Variants in EML1 observed in about 807,000 individuals in gnomAD.
The protein encoded by EML1 is echinoderm microtubule-associated protein-like 1.
In EML1, 27 loss-of-function variants were observed where a neutral mutation model predicts 110.4. That is an observed-to-expected ratio of 0.24 (90% CI 0.18 to 0.34). The LOEUF is 0.34. EML1 is among the 10% of genes least tolerant of loss of function. EML1 has a pLI of 1.00. For missense variants in EML1, 741 were observed against 1,030.9 expected (o/e 0.72, Z 3.85); for synonymous variants, 344 against 385.8 (o/e 0.89, Z 1.27).
intron 1 of EML1, among the ~76,000 whole-genome samples, chr14:99,794,526 C>A (rs2057734215): frequency 6.6e-6 from 1 of 152,134 alleles, no homozygotes; most frequent in South Asian, 2.1e-4. Context: ...GGAAAGTTTT[C>A]TTGTTATTCG....
intron 1 of EML1, among the ~76,000 whole-genome samples, chr14:99,814,992 G>A (rs1222049824): frequency 6.6e-6 from 1 of 152,202 alleles, no homozygotes; most frequent in Admixed American, 6.5e-5. Context: ...CAGCTAGGGA[G>A]GGGCAGAGCC....
intron 6 of EML1, among the ~76,000 whole-genome samples, chr14:99,895,295 C>T (rs1199805855): frequency 1.3e-5 from 2 of 152,044 alleles, no homozygotes; most frequent in Admixed American, 1.3e-4. Flanking sequence ...TCTTGAGCTC[C>T]TGGACTCAAG....
chr14:99,792,845 A>T (rs752559961), upstream of EML1: 1 of 152,316 alleles, frequency 6.6e-6, no homozygotes, highest in Non-Finnish European at 1.5e-5. Flanking sequence ...GTGTGGACAG[A>T]GGAACGCGCC....
In EML1 at chr14:99,759,459, G is replaced by A. The variant is rs527359672; in HGVS notation, c.28+21599G>A. On this transcript the variant is annotated intron_variant, in intron 1 of 10. Coordinates refer to the EML1 transcript ENST00000554479. The stretch of plus-strand genomic sequence containing the variant: ...CTCAGCCAGCCTGGAGGGCAGCCCC[G>A]GGCCGGGAGGTCCCCTTCTCTTAGT... Among the ~76,000 whole-genome samples, 326 of 152,350 alleles carry A rather than the reference G, an allele frequency of 2.1e-3. 1 individual carries two copies. The highest frequency in any genetic ancestry group is 7.3e-3 in the African/African-American group (305 of 41,592).
chr14:99,907,446 T>G (rs1763403187), intron 9 of EML1, 192 bp from the exon 10 acceptor site: 1 of 604,146 alleles, frequency 1.7e-6, no homozygotes, highest in Non-Finnish European at 2.9e-6. Context: ...GTGACCTGGA[T>G]GACAGAGCAA....
intron 1 of EML1, among the ~76,000 whole-genome samples, chr14:99,745,883 G>A (rs2057101917): frequency 6.6e-6 from 1 of 152,178 alleles, no homozygotes; most frequent in African/African-American, 2.4e-5. Flanking sequence ...ATGGTGTACT[G>A]CCAGGCACTG....
chr14:99,939,260 A>G lies in EML1; in HGVS notation c.2255A>G (p.Lys752Arg), dbSNP rs201021106. The G allele has an allele frequency of 1.9e-6, 3 of 1,614,136 alleles. No individual in the cohort carries two copies. In the African/African-American group the frequency reaches 4.0e-5, roughly 22 times the overall value. The change falls in exon 21 of 22, where the codon AAA (lysine) becomes AGA (arginine). Residue 752 changes from lysine (K) to arginine (R), a missense_variant. Around this residue, in one of 4 missense-constraint regions of EML1, gnomAD observed 114 missense variants for 122.5 expected, o/e 0.93. Coordinates refer to ENST00000262233, the MANE Select transcript of EML1 (RefSeq NM_004434.3). This position sits in a 1 kb window ranked among gnomAD's most constrained non-coding sequence, Gnocchi z 4.2. ...INAVCRAHEK[K>R]LLSTGDDFGK... ...GCCGTCTGTCGGGCCCATGAGAAGAAACTCCTGTCAACAGGCGACGACTTT... is the reference window on the plus strand; with the variant it reads ...GCCGTCTGTCGGGCCCATGAGAAGAGACTCCTGTCAACAGGCGACGACTTT...
At chr14:99,805,163 T>G (rs1278462089) in intron 1 of EML1, among the ~76,000 whole-genome samples, 5 of 152,192 alleles carry the variant, frequency 3.3e-5, no homozygotes, top group African/African-American at 1.2e-4. Context: ...CCAGGCCACG[T>G]GTCTCAGGGC....
At chr14:99,823,233 G>A (rs544752578) in intron 1 of EML1, among the ~76,000 whole-genome samples, 2 of 152,232 alleles carry the variant, frequency 1.3e-5, no homozygotes, top group East Asian at 3.9e-4. Context: ...AGACCCTGCT[G>A]CTGGCAGAGT....
upstream of EML1, among the ~76,000 whole-genome samples, chr14:99,791,930 G>C (rs7161099): frequency 0.52 from 78,377 of 152,010 alleles, 20,376 homozygotes; most frequent in East Asian, 0.56. Context: ...CTCACTAGCA[G>C]TGTCCTGCCC....
intron 1 of EML1, among the ~76,000 whole-genome samples, chr14:99,834,859 G>A (rs559879508): frequency 6.6e-6 from 1 of 152,026 alleles, no homozygotes; most frequent in Non-Finnish European, 1.5e-5. Context: ...TGACTCTGTC[G>A]CCTAGGCTGG....
intron 1 of EML1, among the ~76,000 whole-genome samples, chr14:99,760,021 C>T (rs535013013): frequency 7.5e-6 from 1 of 133,070 alleles, no homozygotes; most frequent in South Asian, 2.5e-4. Flanking sequence ...GCAGGAGAAT[C>T]GCTTGAACCC....
At chr14:99,796,014 C>T (rs906780732) in intron 1 of EML1, among the ~76,000 whole-genome samples, 1 of 152,002 alleles carries the variant, frequency 6.6e-6, no homozygotes, top group South Asian at 2.1e-4. Flanking sequence ...AGCAAGACCC[C>T]CCTCTACAAA....
rs571870887 is a variant in EML1 at position 99,924,430 on chromosome 14, A to G, written c.1909+3553A>G. On this transcript the variant is annotated intron_variant, in intron 17 of 21. Transcript: ENST00000262233. ...AAGTGTACTATGTTTCTTCCTATAT[A>G]TACTTGCCTATGGCAAAGTTAAATG... Among the ~76,000 whole-genome samples the G allele has an allele frequency of 9.2e-5, 14 of 152,358 alleles. 1 individual carries two copies. The South Asian group carries it at 2.9e-3, about 32-fold the overall frequency.
At chr14:99,747,404 T>C (rs2057123995) in intron 1 of EML1, among the ~76,000 whole-genome samples, 1 of 151,178 alleles carries the variant, frequency 6.6e-6, no homozygotes, top group Non-Finnish European at 1.5e-5. Context: ...ATTTGGGGAA[T>C]GGCAGCTGTC....
At chr14:99,776,459 G>A (rs565983369) in intron 1 of EML1, among the ~76,000 whole-genome samples, 5 of 150,792 alleles carry the variant, frequency 3.3e-5, no homozygotes, top group African/African-American at 4.9e-5. Flanking sequence ...AGCTGAGATC[G>A]CACCACTGCA....
At chr14:99,935,048 C>A (rs2060443476) in intron 17 of EML1, among the ~76,000 whole-genome samples, 1 of 152,168 alleles carries the variant, frequency 6.6e-6, no homozygotes, top group Non-Finnish European at 1.5e-5. Flanking sequence ...CCTGAGTGAA[C>A]CCGTGTGTTC....
intron 1 of EML1, among the ~76,000 whole-genome samples, chr14:99,835,634 C>T (rs192463805): frequency 2.6e-5 from 4 of 152,294 alleles, no homozygotes; most frequent in Non-Finnish European, 4.4e-5. Flanking sequence ...AGCGACAGCT[C>T]ACAAATTTTG....
In EML1 at chr14:99,827,678, T is replaced by G. The variant is rs1488610580; in HGVS notation, c.68-23175T>G. Among the ~76,000 whole-genome samples, 1 of 147,474 alleles carries G rather than the reference T, an allele frequency of 6.8e-6. No individual in the cohort carries two copies. Among genetic ancestry groups the G allele is most frequent in the East Asian group, 2.1e-4 (1 of 4,692 alleles). On this transcript the variant is annotated intron_variant, in intron 1 of 21. Transcript: ENST00000262233. The surrounding 1 kb of genome is among the most constrained non-coding windows in gnomAD (Gnocchi z 4.4). Reference sequence around the variant, plus strand: ...TAGACACATAGAGGGGGCAACCACCTGAAAGGGAGAAGACGGCCAGCGAGA... The same window carrying G: ...TAGACACATAGAGGGGGCAACCACCGGAAAGGGAGAAGACGGCCAGCGAGA...
Sources: allele counts gnomAD v4.1 joint callset (sites outside exome capture counted in the v4.1 genomes callset), GRCh38; gene constraint gnomAD v4.1.1; regional missense constraint gnomAD v4.1.1; non-coding constraint Gnocchi (gnomAD v3.1); transcripts MANE v1.5; gene names NCBI Gene and HGNC (gene_info 2026-07-23, HGNC 2026-07-21).